The following ATG10 variants were observed in gnomAD, a reference collection of about 807,000 sequenced individuals.
ATG10 encodes the protein ubiquitin-like-conjugating enzyme ATG10.
A neutral mutation model predicts 32.1 loss-of-function variants in ATG10; 30 were observed. That is an observed-to-expected ratio of 0.94 (90% CI 0.70 to 1.27). The LOEUF (loss-of-function observed/expected upper bound fraction) is 1.27, where lower values mean the gene tolerates loss of function less well. ATG10 is among the 50% of genes most tolerant of loss of function. ATG10 has a pLI of 0.00. For missense variants in ATG10, 233 were observed against 262.3 expected (o/e 0.89, Z 0.77); for synonymous variants, 87 against 91.5 (o/e 0.95, Z 0.28).
At chr5:82,037,234 C>CTTT (rs1166784267) in intron 2 of ATG10, among the ~76,000 whole-genome samples, 706 of 36,962 alleles carry the variant, frequency 0.019, 276 homozygotes, top group Non-Finnish European at 0.021. Flanking sequence ...ATCTCATTTA[C>CTTT]TTTTTTTTTT....
intron 3 of ATG10, among the ~76,000 whole-genome samples, chr5:82,065,095 A>G (rs1451746196): frequency 6.6e-6 from 1 of 152,178 alleles, no homozygotes; most frequent in Non-Finnish European, 1.5e-5. Context: ...TGCATGTGAC[A>G]TTTCTGAATT....
At chr5:82,171,451 ATGTGTACCCC>A (rs765173492) in intron 4 of ATG10, among the ~76,000 whole-genome samples, 5 of 152,350 alleles carry the variant, frequency 3.3e-5, no homozygotes, top group Non-Finnish European at 7.3e-5. Context: ...GCTATATTAG[ATGTGTACCCC>A]TGGTTGCAAA....
At chr5:82,003,409 G>C (rs973989108) in intron 2 of ATG10, among the ~76,000 whole-genome samples, 3 of 152,126 alleles carry the variant, frequency 2.0e-5, no homozygotes, top group African/African-American at 7.2e-5. Context: ...CAAACTCCAG[G>C]TCTGAGGGAA....
At chr5:82,126,056 G>A (rs1766264774) in intron 3 of ATG10, among the ~76,000 whole-genome samples, 1 of 133,204 alleles carries the variant, frequency 7.5e-6, no homozygotes, top group Non-Finnish European at 1.6e-5. Context: ...ATGTGAGTTT[G>A]CCTATGATTT....
chr5:82,052,037 C>T (rs921458823), intron 2 of ATG10, among the ~76,000 whole-genome samples: 2 of 152,094 alleles, frequency 1.3e-5, no homozygotes, highest in Admixed American at 6.6e-5. Context: ...CCTTGAAGGC[C>T]TTGTTTGATC....
Position 81,987,685 on chromosome 5 carries a change from A to C in ATG10, c.108+7A>C, listed in dbSNP as rs1364832507. On this transcript the variant is annotated splice_region_variant and intron_variant, in intron 2 of 7. Transcript: ENST00000282185. ...GGAATGGAGACCATCAAAGGTAAGA[A>C]TGGAAATGTTTGTTTTCTGTCTCAA... 6.3e-7 allele frequency: 1 copy of C among 1,585,934 alleles called. No homozygotes were observed. Among genetic ancestry groups the C allele is most frequent in the Non-Finnish European group, 8.6e-7 (1 of 1,164,660 alleles).
chr5:82,060,638 C>T (rs564543858), intron 3 of ATG10, among the ~76,000 whole-genome samples: 4 of 152,060 alleles, frequency 2.6e-5, no homozygotes, highest in South Asian at 2.1e-4. Flanking sequence ...CCGAGGCAGG[C>T]GGATCACCTG....
At chr5:82,197,170 TTTC>T (rs1275010723) in intron 5 of ATG10, among the ~76,000 whole-genome samples, 1 of 152,198 alleles carries the variant, frequency 6.6e-6, no homozygotes, top group Non-Finnish European at 1.5e-5. Flanking sequence ...ATGAAATTGT[TTTC>T]TTAATTTCAT....
intron 3 of ATG10, among the ~76,000 whole-genome samples, chr5:82,083,053 C>T (rs1286920370): frequency 1.3e-5 from 2 of 152,218 alleles, no homozygotes; most frequent in African/African-American, 4.8e-5. Context: ...CCGGGAAGCA[C>T]AAGGGGTTGG....
At chr5:82,051,390 A>G (rs1343985959) in intron 2 of ATG10, among the ~76,000 whole-genome samples, 1 of 152,300 alleles carries the variant, frequency 6.6e-6, no homozygotes, top group East Asian at 1.9e-4. Context: ...TGGGTGGACT[A>G]TTTAATTAAT....
chr5:82,132,408 C>T (rs1766577239), intron 3 of ATG10, among the ~76,000 whole-genome samples: 2 of 149,170 alleles, frequency 1.3e-5, no homozygotes, highest in South Asian at 4.3e-4. Flanking sequence ...CCCCTAGCCC[C>T]CCCACCCCAT....
At chr5:82,148,210 A>G (rs1767445180) in intron 3 of ATG10, 1 of 152,188 alleles carries the variant, frequency 6.6e-6, no homozygotes, top group Non-Finnish European at 1.5e-5. Flanking sequence ...ACTAAATAAA[A>G]TACTATTTGG....
intron 2 of ATG10, among the ~76,000 whole-genome samples, chr5:82,036,286 A>G (rs1762920961): frequency 6.6e-6 from 1 of 152,156 alleles, no homozygotes; most frequent in Admixed American, 6.6e-5. Context: ...CTCTGTCACA[A>G]TAACATGTTT....
At chr5:82,096,135 T>G (rs940038582) in intron 3 of ATG10, among the ~76,000 whole-genome samples, 6 of 152,210 alleles carry the variant, frequency 3.9e-5, no homozygotes, top group Non-Finnish European at 8.8e-5. Flanking sequence ...TGGATACCGT[T>G]TTATAGTCAA....
chr5:82,124,161 G>A (rs962789617), intron 3 of ATG10, among the ~76,000 whole-genome samples: 3 of 146,416 alleles, frequency 2.0e-5, no homozygotes, highest in Non-Finnish European at 3.0e-5. Context: ...TTGCCACCAC[G>A]CCCGGCTAAT....
intron 1 of ATG10, among the ~76,000 whole-genome samples, chr5:81,982,991 C>CT (rs1761103480): frequency 6.6e-6 from 1 of 152,256 alleles, no homozygotes; most frequent in South Asian, 2.1e-4. Flanking sequence ...ATTTCTCAGT[C>CT]TTTTCCCCAC....
intron 2 of ATG10, chr5:82,010,141 T>G: frequency 7.1e-7 from 1 of 1,409,310 alleles, no homozygotes; most frequent in Non-Finnish European, 1.0e-6. Flanking sequence ...GCAAAGCCGC[T>G]TTCTTATATT....
chr5:82,096,343 TGTAA>T (rs1468348938), intron 3 of ATG10, among the ~76,000 whole-genome samples: 1 of 152,238 alleles, frequency 6.6e-6, no homozygotes, highest in Non-Finnish European at 1.5e-5. Context: ...AGTTAGCTCT[TGTAA>T]GTCTCACAGA....
At chr5:82,202,889 T>G (rs769869486) in intron 5 of ATG10, among the ~76,000 whole-genome samples, 1 of 152,200 alleles carries the variant, frequency 6.6e-6, no homozygotes, top group Non-Finnish European at 1.5e-5. Context: ...TGACAGGGAC[T>G]ACTCTTTGGG....
Sources: allele counts gnomAD v4.1 joint callset (sites outside exome capture counted in the v4.1 genomes callset), GRCh38; gene constraint gnomAD v4.1.1; transcripts MANE v1.5; gene names NCBI Gene and HGNC (gene_info 2026-07-23, HGNC 2026-07-21).